The following AKR1C3 variants were observed in gnomAD, a reference collection of about 807,000 sequenced individuals.
AKR1C3 encodes 3-alpha hydroxysteroid dehydrogenase, type II.
Under a neutral mutation model 43.6 loss-of-function variants are expected in AKR1C3, and 48 were observed. The observed-to-expected ratio is 1.10, with a 90% CI of 0.87 to 1.40. The LOEUF is 1.40. Among genes scored for constraint, AKR1C3 ranks in the 40% most tolerant of loss-of-function variants. AKR1C3 has a pLI of 0.00. For missense variants in AKR1C3, 482 were observed against 391.2 expected (o/e 1.23, Z -1.96); for synonymous variants, 162 against 139.6 (o/e 1.16, Z -1.13).
At chr10:5,099,490 C>G in intron 5 of AKR1C3, 41 bp downstream of exon 5, 1 of 1,613,588 alleles carries the variant, frequency 6.2e-7, no homozygotes, top group Non-Finnish European at 8.5e-7. Flanking sequence ...TTCTTCATGC[C>G]CCCTCTTCCT....
At chr10:5,073,511 A>G (rs1030212941) in intron 1 of AKR1C3, among the ~76,000 whole-genome samples, 4 of 152,108 alleles carry the variant, frequency 2.6e-5, no homozygotes, top group African/African-American at 7.2e-5. Flanking sequence ...GGACAGCCCA[A>G]TTACATCCAC....
upstream of AKR1C3, chr10:5,093,322 C>T (rs1554784619): frequency 6.6e-6 from 1 of 152,006 alleles, no homozygotes. Flanking sequence ...TCTGTAAAAG[C>T]TTTCAATGAT....
chr10:5,061,010 C>G (rs894961417), intron 1 of AKR1C3, among the ~76,000 whole-genome samples: 1 of 152,230 alleles, frequency 6.6e-6, no homozygotes, highest in Non-Finnish European at 1.5e-5. Flanking sequence ...CCCCAGTTCC[C>G]TCCCGTGCCT....
rs782266985 is a variant in AKR1C3, at chr10:5,107,460, G to A, written c.930-1G>A. On this transcript the variant is annotated splice_acceptor_variant, in intron 8 of 8. Coordinates refer to ENST00000380554, the MANE Select transcript of AKR1C3 (RefSeq NM_003739.6). LOFTEE classifies it high-confidence loss of function. ...TATATTATACATTATTCTCTTTTCA[G>A]TTTTGCTAGCCACCCTAATTATCCA... The A allele has an allele frequency of 2.5e-6, 4 of 1,570,042 alleles. No homozygotes were observed. The East Asian group carries it at 6.7e-5, about 26-fold the overall frequency.
chr10:5,054,709 G>C (rs1370496353), intron 1 of AKR1C3, among the ~76,000 whole-genome samples: 1 of 151,506 alleles, frequency 6.6e-6, no homozygotes, highest in Non-Finnish European at 1.5e-5. Context: ...CCTTCTCTTT[G>C]TCTCTTTCTC....
intron 1 of AKR1C3, among the ~76,000 whole-genome samples, chr10:5,069,134 A>C (rs1164527191): frequency 3.3e-5 from 5 of 152,318 alleles, no homozygotes; most frequent in African/African-American, 1.2e-4. Flanking sequence ...AGAAGGGACA[A>C]ATGGTGACTT....
chr10:5,069,865 ACT>A (rs1838583178), intron 1 of AKR1C3, among the ~76,000 whole-genome samples: 2 of 151,326 alleles, frequency 1.3e-5, no homozygotes, highest in Admixed American at 6.6e-5. Context: ...TAAGAGTGAA[ACT>A]CTGTCTCAAA....
At chr10:5,048,855 T>G (rs185807038) in exon 1 of AKR1C3, 207 of 1,614,020 alleles carry the variant, frequency 1.3e-4, no homozygotes, top group Non-Finnish European at 1.7e-4. Context: ...GATGGTCACT[T>G]CATGCCTGTC....
chr10:5,107,496 A>C lies in AKR1C3; in HGVS notation c.965A>C (p.Glu322Ala), dbSNP rs782383918. 3 of 1,588,998 alleles carry C rather than the reference A, an allele frequency of 1.9e-6. No homozygotes were observed. Among genetic ancestry groups the C allele is most frequent in the South Asian group, 2.2e-5 (2 of 90,398 alleles). The stretch of plus-strand genomic sequence containing the variant: ...CACCCTAATTATCCATATTCAGATG[A>C]ATATTAACATGGAGGGCTTTGCCTG... ...ASHPNYPYSD[E>A]Y is the part of the protein sequence containing the mutation. The change falls in exon 9 of 9, where the codon GAA becomes GCA. Residue 322 changes from glutamate (E) to alanine (A), a missense_variant. Glu to Ala is a moderately radical substitution (Grantham distance 107). Transcript: ENST00000380554.
intron 1 of AKR1C3, among the ~76,000 whole-genome samples, chr10:5,076,422 C>A (rs568761622): frequency 6.6e-6 from 1 of 150,488 alleles, no homozygotes; most frequent in South Asian, 2.1e-4. Context: ...CTCTCTCTCT[C>A]CACTCTAGAA....
chr10:5,083,069 T>C (rs969208434), intron 1 of AKR1C3, among the ~76,000 whole-genome samples: 1 of 107,516 alleles, frequency 9.3e-6, no homozygotes. Context: ...TTATCTATTT[T>C]CTCTATTTTT....
intron 1 of AKR1C3, among the ~76,000 whole-genome samples, chr10:5,059,353 A>T (rs1376902049): frequency 3.9e-5 from 6 of 152,210 alleles, no homozygotes; most frequent in African/African-American, 1.4e-4. Context: ...TTTAGGACCC[A>T]GGGGGCAAGG....
chr10:5,104,474 A>ACTGT (rs1252473639), intron 7 of AKR1C3, among the ~76,000 whole-genome samples: 2 of 152,136 alleles, frequency 1.3e-5, no homozygotes, highest in Non-Finnish European at 2.9e-5. Context: ...ACTTTTCTGT[A>ACTGT]CTGTCTAAAT....
chr10:5,107,629 C>T lies in AKR1C3; in HGVS notation c.*126C>T, dbSNP rs28943582. 4 of 680,484 alleles carry T rather than the reference C, an allele frequency of 5.9e-6. No individual in the cohort carries two copies. Among genetic ancestry groups the T allele is most frequent in the Non-Finnish European group, 1.0e-5 (4 of 393,344 alleles). 42.2% of individuals were successfully genotyped at this position (680,484 alleles called of 1,614,324 possible). ...ATCCGTCCTGTTTAGCGACTTCAGT[C>T]AACTACAGCTGAGTCCATAGGCCAG... On this transcript the variant is annotated 3_prime_UTR_variant, in exon 9 of 9. Transcript: ENST00000380554.
chr10:5,078,029 T>G (rs980482508), intron 1 of AKR1C3: 23 of 667,446 alleles, frequency 3.4e-5, no homozygotes, highest in African/African-American at 1.7e-4. Flanking sequence ...GCTGAAAATA[T>G]GATTACTATA....
intron 1 of AKR1C3, among the ~76,000 whole-genome samples, chr10:5,087,620 G>A (rs1313719973): frequency 6.6e-6 from 1 of 151,846 alleles, no homozygotes; most frequent in Non-Finnish European, 1.5e-5. Context: ...AAGTGACCCT[G>A]CCTCAGCCTC....
chr10:5,094,307 A>C, upstream of AKR1C3: 1 of 871,524 alleles, frequency 1.1e-6, no homozygotes, highest in Non-Finnish European at 1.8e-6. Context: ...AAGACTGCCT[A>C]TGTACCTCCT....
At chr10:5,087,416 A>C (rs1435405543) in intron 1 of AKR1C3, among the ~76,000 whole-genome samples, 1 of 140,076 alleles carries the variant, frequency 7.1e-6, no homozygotes, top group Non-Finnish European at 1.5e-5. Flanking sequence ...TCTGTTGCCC[A>C]GGCTGGAGGG....
chr10:5,106,231 GA>G (rs1459622973), intron 8 of AKR1C3, among the ~76,000 whole-genome samples: 1 of 152,074 alleles, frequency 6.6e-6, no homozygotes, highest in Non-Finnish European at 1.5e-5. Flanking sequence ...TTTGCCTCCA[GA>G]AAGCCTTCCT....
Sources: allele counts gnomAD v4.1 joint callset (sites outside exome capture counted in the v4.1 genomes callset), GRCh38; gene constraint gnomAD v4.1.1; transcripts MANE v1.5; gene names NCBI Gene and HGNC (gene_info 2026-07-23, HGNC 2026-07-21).